The following AHCYL1 variants were observed in gnomAD, a reference collection of about 807,000 sequenced individuals.
AHCYL1 encodes the protein S-adenosylhomocysteine hydrolase-like protein 1.
In AHCYL1, 20 loss-of-function variants were observed where a neutral mutation model predicts 79.3. That is an observed-to-expected ratio of 0.25 (90% confidence interval 0.18 to 0.37). The LOEUF (loss-of-function observed/expected upper bound fraction) is 0.37. AHCYL1 is among the 10% of genes least tolerant of loss of function. The pLI is 1.00. For synonymous variants in AHCYL1, 223 were observed against 242.2 expected, an observed-to-expected ratio of 0.92 and a Z score of 0.74; for missense variants, 330 against 673.6, an observed-to-expected ratio of 0.49 and a Z score of 5.65.
At chr1:110,020,692 G>A (rs775720983) in intron 15 of AHCYL1, 39 bp from the exon 16 acceptor site, 1 of 1,545,566 alleles carries the variant, frequency 6.5e-7, no homozygotes, top group Non-Finnish European at 8.7e-7. Context: ...GAGACATTTT[G>A]AAAAGGAGTC....
chr1:109,988,102 G>A (rs923804769), intron 1 of AHCYL1, among the ~76,000 whole-genome samples: 1 of 152,196 alleles, frequency 6.6e-6, no homozygotes, highest in South Asian at 2.1e-4. Context: ...TAGTTGATGA[G>A]GTTGATCACA....
At chr1:110,018,151 A>G in intron 11 of AHCYL1, 135 bp downstream of exon 11, 1 of 1,087,368 alleles carries the variant, frequency 9.2e-7, no homozygotes, top group Admixed American at 2.5e-5. Flanking sequence ...TCAGAACCTT[A>G]ACATGTTTTC....
rs1356373652 is a variant in AHCYL1 at position 109,985,057 on chromosome 1, C to A, written c.5C>A (p.Ser2Ter). The change falls in exon 1 of 17, where the codon TCG becomes TAG. Residue 2 changes from serine to a stop codon, truncating the protein, a stop_gained. Coordinates refer to ENST00000369799, the MANE Select transcript of AHCYL1 (RefSeq NM_006621.7). LOFTEE classifies it high-confidence loss of function. The part of the protein sequence containing the change: M[S>*]MPDAMPLPGV... The stretch of plus-strand genomic sequence containing the variant: ...GCTGGCCGGGCCGGCCGGGGAATGT[C>A]GATGCCTGACGCGATGCCGCTGCCC... 1 of 1,595,586 alleles carries A rather than the reference C, an allele frequency of 6.3e-7. No homozygotes were observed. Among genetic ancestry groups the A allele is most frequent in the African/African-American group, 1.4e-5 (1 of 73,570 alleles).
Position 109,984,894 on chromosome 1 carries a change from T to C in AHCYL1, c.-159T>C. On this transcript the variant is annotated 5_prime_UTR_variant, in exon 1 of 17. Transcript: ENST00000369799. ...CTTGGGCTGCCGAACAGACAAGGCG[T>C]GGGCCACAGCACCTCAGAAGCCGAC... 2 of 1,176,998 alleles carry C rather than the reference T, an allele frequency of 1.7e-6. No individual in the cohort carries two copies. The highest frequency in any genetic ancestry group is 3.2e-4 in the Middle Eastern group (1 of 3,124). 72.9% of individuals were successfully genotyped at this position (1,176,998 alleles called of 1,614,324 possible). A position where few individuals can be genotyped will look rare whatever the true frequency, so the allele number is the denominator to read the frequency against.
At chr1:109,987,762 T>G (rs193184100) in intron 1 of AHCYL1, among the ~76,000 whole-genome samples, 90 of 152,320 alleles carry the variant, frequency 5.9e-4, no homozygotes, top group African/African-American at 2.1e-3. Context: ...ATGAACAAAA[T>G]AGGACTTGTT....
At position 109,984,813 on chromosome 1, in the gene AHCYL1, C is replaced by G; in HGVS notation, c.-240C>G. On this transcript the variant is annotated 5_prime_UTR_variant, in exon 1 of 17. Transcript: ENST00000369799. ...AGCGGAGGTGGCGGCGCGGGCAGGT[C>G]GGAGCTCGGAGCTGCTGTTCTGGTT... The G allele has an allele frequency of 5.6e-6, 2 of 356,632 alleles. No individual in the cohort carries two copies. The highest frequency in any genetic ancestry group is 8.3e-6 in the Non-Finnish European group (2 of 242,296). The allele number at this position is 356,632 out of a possible 1,614,324, so 22.1% of individuals were successfully genotyped here. A position where few individuals can be genotyped will look rare whatever the true frequency, so the allele number is the denominator to read the frequency against.
chr1:110,011,526 A>G (rs1290998360), intron 3 of AHCYL1, among the ~76,000 whole-genome samples, 169 bp downstream of exon 3: 1 of 152,064 alleles, frequency 6.6e-6, no homozygotes, highest in Non-Finnish European at 1.5e-5. Context: ...AAGTCTTGGG[A>G]TTTTGTTCTC....
intron 6 of AHCYL1, 104 bp downstream of exon 6, chr1:110,014,961 C>A: frequency 1.9e-6 from 2 of 1,075,922 alleles, no homozygotes; most frequent in Non-Finnish European, 2.8e-6. Context: ...GTCTTATGCA[C>A]TGACTTTGTT....
Position 109,985,024 on chromosome 1 carries a change from G to C in AHCYL1, c.-29G>C. 3 of 1,517,444 alleles carry C rather than the reference G, an allele frequency of 2.0e-6. No individual in the cohort carries two copies. The highest frequency in any genetic ancestry group is 2.7e-6 in the Non-Finnish European group (3 of 1,131,870). The allele number at this position is 1,517,444 out of a possible 1,614,324, so 94.0% of individuals were successfully genotyped here. A position where few individuals can be genotyped will look rare whatever the true frequency, so the allele number is the denominator to read the frequency against. Reference sequence around the variant, plus strand: ...GAGGGGGAAAGAGGCGGGGGCGGCGGGTCAGCCGCTGGCCGGGCCGGCCGG... The same window carrying C: ...GAGGGGGAAAGAGGCGGGGGCGGCGCGTCAGCCGCTGGCCGGGCCGGCCGG... On this transcript the variant is annotated 5_prime_UTR_variant, in exon 1 of 17. Coordinates refer to ENST00000369799, the MANE Select transcript of AHCYL1 (RefSeq NM_006621.7).
chr1:109,986,889 T>A (rs1185263428), intron 1 of AHCYL1, among the ~76,000 whole-genome samples: 4 of 152,216 alleles, frequency 2.6e-5, no homozygotes, highest in African/African-American at 9.7e-5. Flanking sequence ...TGTGGCCACC[T>A]ACCATGAATA....
intron 10 of AHCYL1, 28 bp downstream of exon 10, chr1:110,017,611 AT>A (rs770372358): frequency 6.3e-7 from 1 of 1,593,630 alleles, no homozygotes; most frequent in Non-Finnish European, 8.6e-7. Flanking sequence ...ATACTATTAG[AT>A]TCACTCTAGG....
At chr1:109,991,142 G>A (rs1420783383) in intron 1 of AHCYL1, among the ~76,000 whole-genome samples, 3 of 152,114 alleles carry the variant, frequency 2.0e-5, no homozygotes, top group Non-Finnish European at 4.4e-5. Flanking sequence ...TTAGCCTGGT[G>A]CCTTAATCTC....
At chr1:109,991,195 G>A (rs1307356145) in intron 1 of AHCYL1, among the ~76,000 whole-genome samples, 1 of 152,114 alleles carries the variant, frequency 6.6e-6, no homozygotes, top group African/African-American at 2.4e-5. Context: ...GTATACATTG[G>A]GGGGCTTAAT....
At chr1:110,003,839 T>C in intron 1 of AHCYL1, 1 of 841,922 alleles carries the variant, frequency 1.2e-6, no homozygotes, top group African/African-American at 1.8e-5. Flanking sequence ...ACTTACTGCC[T>C]TTTTTCTAAC....
At chr1:109,987,390 C>T (rs1389584713) in intron 1 of AHCYL1, among the ~76,000 whole-genome samples, 2 of 152,184 alleles carry the variant, frequency 1.3e-5, no homozygotes, top group Non-Finnish European at 1.5e-5. Context: ...GAGAAAAAGA[C>T]CTCTTCAAAT....
Position 109,992,779 on chromosome 1 carries a change from C to T in AHCYL1, c.120+7607C>T, listed in dbSNP as rs796767168. ...GTCCTTTTAAGAGTTTAATGAAAAT[C>T]CTGGTTCTTTCCTCAGGAAAATTCA... On this transcript the variant is annotated intron_variant, in intron 1 of 16. Transcript: ENST00000369799. Among the ~76,000 whole-genome samples, 12 of 152,248 alleles carry T rather than the reference C, an allele frequency of 7.9e-5. 2 individuals are homozygous for T. The highest frequency in any genetic ancestry group is 2.9e-4 in the African/African-American group (12 of 41,546).
At position 110,011,319 on chromosome 1, in the gene AHCYL1, C is replaced by A. The variant is rs1165642400; in HGVS notation, c.338C>A (p.Ala113Glu). ...TTCTGTGTGAAGAACATCAAGCAGG[C>A]AGAATTTGGACGCCGGGAGATTGAG... ...SNFCVKNIKQ[A>E]EFGRREIEIA... is the part of the protein sequence containing the mutation. The change falls in exon 3 of 17, where the codon GCA becomes GAA. Residue 113 changes from alanine to glutamate, a missense_variant. By Grantham distance (107) the Ala-to-Glu change is moderately radical (BLOSUM62 -1). Transcript: ENST00000369799. 4 of 1,613,860 alleles carry A rather than the reference C, an allele frequency of 2.5e-6. No homozygotes were observed. Among genetic ancestry groups the A allele is most frequent in the Non-Finnish European group, 3.4e-6 (4 of 1,179,974 alleles).
At chr1:109,993,138 G>A (rs1404874531) in intron 1 of AHCYL1, among the ~76,000 whole-genome samples, 1 of 152,154 alleles carries the variant, frequency 6.6e-6, no homozygotes, top group East Asian at 1.9e-4. Flanking sequence ...GGAATTTTTG[G>A]TATTATCTCA....
At chr1:110,018,781 C>A (rs1421160810) in intron 13 of AHCYL1, 131 bp downstream of exon 13, 5 of 954,918 alleles carry the variant, frequency 5.2e-6, no homozygotes, top group Non-Finnish European at 7.8e-6. Context: ...AGATATTTCA[C>A]AAATTGGTCC....
Sources: gnomAD v4.1 joint callset for allele counts (sites outside exome capture counted in the v4.1 genomes callset) on GRCh38, gnomAD v4.1.1 for gene constraint, MANE v1.5 for transcripts, NCBI Gene and HGNC (gene_info 2026-07-23, HGNC 2026-07-21) for gene names.